Variants in STX12 observed in about 807,000 individuals in gnomAD.
STX12 encodes syntaxin 12, also known as syntaxin-12.
In STX12, 17 loss-of-function variants were observed where a neutral mutation model predicts 42.2. The ratio of observed to expected loss-of-function variants is 0.40; its 90% confidence interval spans 0.28 to 0.60. The LOEUF is 0.60. Among genes scored for constraint, STX12 ranks in the 20% least tolerant of loss-of-function variants. The pLI, the probability that STX12 is intolerant of heterozygous loss-of-function variation, is 0.39. For synonymous variants in STX12, 108 were observed against 116.7 expected (o/e 0.93, Z 0.48); for missense variants, 297 against 330.9 (o/e 0.90, Z 0.79).
intron 4 of STX12, among the ~76,000 whole-genome samples, chr1:27,803,104 GT>G (rs1305075461): frequency 6.6e-6 from 1 of 152,138 alleles, no homozygotes; most frequent in Non-Finnish European, 1.5e-5. Flanking sequence ...ATCTAACGTA[GT>G]TTTAACTGGA....
At chr1:27,782,636 G>A (rs1178305593) in intron 1 of STX12, among the ~76,000 whole-genome samples, 2 of 152,006 alleles carry the variant, frequency 1.3e-5, no homozygotes, top group African/African-American at 2.4e-5. Flanking sequence ...TCAGGAGTTC[G>A]AGACCAGCCT....
chr1:27,804,742 C>A (rs577934400), intron 4 of STX12, among the ~76,000 whole-genome samples: 1 of 149,624 alleles, frequency 6.7e-6, no homozygotes, highest in Non-Finnish European at 1.5e-5. Context: ...ACCCGGGAGG[C>A]GGAGATTGCC....
intron 6 of STX12, among the ~76,000 whole-genome samples, chr1:27,815,007 A>G (rs1557807554): frequency 6.6e-6 from 1 of 152,224 alleles, no homozygotes; most frequent in Non-Finnish European, 1.5e-5. Context: ...TATATAACAC[A>G]TTGTATTAGT....
At chr1:27,797,290 C>G (rs981646875) in intron 3 of STX12, among the ~76,000 whole-genome samples, 5 of 152,334 alleles carry the variant, frequency 3.3e-5, no homozygotes, top group Admixed American at 2.0e-4. Flanking sequence ...TTCCTGACCT[C>G]AAGTGATCCG....
chr1:27,783,045 TGAAGA>T (rs2088678748), intron 1 of STX12, among the ~76,000 whole-genome samples: 1 of 152,208 alleles, frequency 6.6e-6, no homozygotes, highest in Non-Finnish European at 1.5e-5. Flanking sequence ...TCCTGTCAAA[TGAAGA>T]GAAATCTTTT....
At chr1:27,804,042 T>G (rs2088843911) in intron 4 of STX12, among the ~76,000 whole-genome samples, 1 of 151,790 alleles carries the variant, frequency 6.6e-6, no homozygotes, top group South Asian at 2.1e-4. Flanking sequence ...AGAATTCCCA[T>G]GAATCAATAT....
At chr1:27,779,200 C>T (rs2088648168) in intron 1 of STX12, among the ~76,000 whole-genome samples, 1 of 152,136 alleles carries the variant, frequency 6.6e-6, no homozygotes, top group Admixed American at 6.6e-5. Context: ...TATGGTCTTG[C>T]CCCATTCTAG....
At chr1:27,780,103 T>G (rs1422764094) in intron 1 of STX12, among the ~76,000 whole-genome samples, 1 of 152,032 alleles carries the variant, frequency 6.6e-6, no homozygotes, top group East Asian at 1.9e-4. Flanking sequence ...TGGTTCCTCC[T>G]TTTTTTAGTA....
At chr1:27,816,061 A>G (rs112073161) in intron 6 of STX12, among the ~76,000 whole-genome samples, 2 of 152,182 alleles carry the variant, frequency 1.3e-5, no homozygotes, top group Non-Finnish European at 1.5e-5. Flanking sequence ...CACGCCTGTA[A>G]TCCCAGCACT....
At chr1:27,818,050 A>G (rs956590507) in intron 7 of STX12, 127 bp downstream of exon 7, 5 of 695,942 alleles carry the variant, frequency 7.2e-6, no homozygotes, top group Non-Finnish European at 1.2e-5. Flanking sequence ...CCTGGGCAAC[A>G]TAATGAGAAT....
intron 1 of STX12, among the ~76,000 whole-genome samples, chr1:27,777,392 G>A (rs556636904): frequency 3.6e-4 from 55 of 152,280 alleles, no homozygotes; most frequent in African/African-American, 1.2e-3. Context: ...CTGGAGTACC[G>A]TTAGAAAAGG....
chr1:27,794,311 G>A (rs2088770128), intron 3 of STX12, among the ~76,000 whole-genome samples: 1 of 152,160 alleles, frequency 6.6e-6, no homozygotes, highest in East Asian at 1.9e-4. Flanking sequence ...ACAGGCGTGA[G>A]CCCCATGCCC....
chr1:27,809,073 C>T (rs999237104), intron 4 of STX12, among the ~76,000 whole-genome samples: 5 of 152,174 alleles, frequency 3.3e-5, no homozygotes, highest in Admixed American at 6.5e-5. Flanking sequence ...CTGTGGCTCA[C>T]GCCTGTAATC....
At chr1:27,792,941 G>A (rs1222862429) in intron 2 of STX12, among the ~76,000 whole-genome samples, 1 of 152,012 alleles carries the variant, frequency 6.6e-6, no homozygotes, top group Non-Finnish European at 1.5e-5. Flanking sequence ...TTTTTAACAG[G>A]TAAGGCTTCT....
intron 2 of STX12, among the ~76,000 whole-genome samples, chr1:27,790,244 G>A (rs1450477519): frequency 6.6e-6 from 1 of 152,186 alleles, no homozygotes; most frequent in Non-Finnish European, 1.5e-5. Context: ...GGACCTTCGT[G>A]GTGAGTGTTA....
chr1:27,790,075 AAAGG>A (rs2088728851), intron 2 of STX12, among the ~76,000 whole-genome samples: 3 of 152,176 alleles, frequency 2.0e-5, no homozygotes. Flanking sequence ...TCAGAAAAAA[AAAGG>A]AAGGTCTCTA....
At chr1:27,816,957 AGAAG>A (rs1169783807) in intron 6 of STX12, among the ~76,000 whole-genome samples, 1 of 137,266 alleles carries the variant, frequency 7.3e-6, no homozygotes, top group Non-Finnish European at 1.6e-5. Flanking sequence ...GAGAGGAGAA[AGAAG>A]GAAGGGAGGG....
chr1:27,788,292 CA>C (rs2088712435), intron 1 of STX12, among the ~76,000 whole-genome samples: 2 of 152,158 alleles, frequency 1.3e-5, no homozygotes, highest in South Asian at 4.1e-4. Flanking sequence ...CCACCCTCCC[CA>C]GTAACCAGAA....
rs749446736 is a variant in STX12 at position 27,773,473 on chromosome 1, G to T, written c.118+48G>T. 8 of 1,564,156 alleles carry T rather than the reference G, an allele frequency of 5.1e-6. No individual in the cohort carries two copies. In the African/African-American group the frequency reaches 6.8e-5, roughly 13 times the overall value. On this transcript the variant is annotated intron_variant, in intron 1 of 8. Transcript: ENST00000373943. ...GGGGCGGGAGCTGTCCCGGGGACAG[G>T]CCTGGGTGAGGCTGCCGGGACGCAG...
Sources: gnomAD v4.1 joint callset for allele counts (sites outside exome capture counted in the v4.1 genomes callset) on GRCh38, gnomAD v4.1.1 for gene constraint, MANE v1.5 for transcripts, NCBI Gene and HGNC (gene_info 2026-07-23, HGNC 2026-07-21) for gene names.